FAM135B: variants seen among roughly 807,000 people sequenced by gnomAD.
The protein encoded by FAM135B is family with sequence similarity 135 member B.
In FAM135B, 43 loss-of-function variants were observed where a neutral mutation model predicts 127.7. The observed-to-expected ratio is 0.34, with a 90% CI of 0.26 to 0.43. The LOEUF is 0.43. Among genes scored for constraint, FAM135B ranks in the 20% least tolerant of loss-of-function variants. FAM135B has a pLI of 1.00. For missense variants in FAM135B, 1,558 were observed against 1,725.6 expected, an observed-to-expected ratio of 0.90 and a Z score of 1.72; for synonymous variants, 670 against 665.1, an observed-to-expected ratio of 1.01 and a Z score of -0.11.
At chr8:138,210,758 G>A (rs1007049390) in intron 7 of FAM135B, among the ~76,000 whole-genome samples, 2 of 152,078 alleles carry the variant, frequency 1.3e-5, no homozygotes, top group Non-Finnish European at 2.9e-5. Flanking sequence ...AGAGTCAAAC[G>A]ATATCAATAG....
At chr8:138,398,197 AGAG>A (rs944998373) in intron 1 of FAM135B, among the ~76,000 whole-genome samples, 2 of 152,202 alleles carry the variant, frequency 1.3e-5, no homozygotes, top group Non-Finnish European at 2.9e-5. Context: ...ATCAGAGCCC[AGAG>A]GAGTTATGGC....
chr8:138,164,079 T>C (rs963454501), intron 12 of FAM135B, among the ~76,000 whole-genome samples: 4 of 152,232 alleles, frequency 2.6e-5, no homozygotes, highest in African/African-American at 4.8e-5. Context: ...TTGTATCTGA[T>C]AACGTCATGG....
intron 2 of FAM135B, among the ~76,000 whole-genome samples, chr8:138,322,281 A>G (rs1370237050): frequency 2.0e-5 from 3 of 152,118 alleles, no homozygotes; most frequent in Non-Finnish European, 4.4e-5. Context: ...TCTGCCCCAC[A>G]CCTGACAAGT....
At chr8:138,138,923 G>T in intron 18 of FAM135B, 63 bp downstream of exon 18, 2 of 998,340 alleles carry the variant, frequency 2.0e-6, no homozygotes, top group Non-Finnish European at 3.2e-6. Context: ...TATCTCATTT[G>T]TGTCTCAGGA....
chr8:138,162,283 A>C (rs1169295375), intron 12 of FAM135B, among the ~76,000 whole-genome samples: 1 of 152,216 alleles, frequency 6.6e-6, no homozygotes, highest in Non-Finnish European at 1.5e-5. Context: ...GTTGCCAGGC[A>C]CGGGGGAGAA....
intron 1 of FAM135B, among the ~76,000 whole-genome samples, chr8:138,495,630 C>T (rs1209049336): frequency 6.6e-6 from 1 of 152,198 alleles, no homozygotes; most frequent in Non-Finnish European, 1.5e-5. Context: ...CATGCACGAA[C>T]TTTCAGACCC....
chr8:138,309,024 T>C, intron 3 of FAM135B: 1 of 454,850 alleles, frequency 2.2e-6, no homozygotes, highest in South Asian at 1.6e-5. Flanking sequence ...ATATGTATAT[T>C]TAGAACCTCT....
At chr8:138,473,542 A>T (rs772820507) in intron 1 of FAM135B, among the ~76,000 whole-genome samples, 1 of 152,166 alleles carries the variant, frequency 6.6e-6, no homozygotes. Flanking sequence ...CTTCTAAAAG[A>T]TGGTAGTTTT....
chr8:138,174,515 T>C (rs951191541), intron 11 of FAM135B, among the ~76,000 whole-genome samples: 12 of 152,316 alleles, frequency 7.9e-5, no homozygotes, highest in African/African-American at 2.2e-4. Context: ...CAGTCTGAAA[T>C]GAAATTCTCC....
chr8:138,404,191 A>AT (rs1225306298), intron 1 of FAM135B, among the ~76,000 whole-genome samples: 2 of 152,098 alleles, frequency 1.3e-5, no homozygotes, highest in Admixed American at 6.6e-5. Context: ...CTATTCATGG[A>AT]TTTTTTTGGT....
chr8:138,414,899 G>C (rs955117607), intron 1 of FAM135B, among the ~76,000 whole-genome samples: 1 of 152,076 alleles, frequency 6.6e-6, no homozygotes, highest in Admixed American at 6.6e-5. Flanking sequence ...TCCCTCATTC[G>C]AATTTGGGCA....
intron 1 of FAM135B, among the ~76,000 whole-genome samples, chr8:138,378,120 G>A (rs1325693343): frequency 6.6e-6 from 1 of 152,172 alleles, no homozygotes. Context: ...GCAGAATTGG[G>A]GCCAACTTCT....
Position 138,306,881 on chromosome 8 carries a change from G to C in FAM135B, c.157+3960C>G, listed in dbSNP as rs1358696203. Among the ~76,000 whole-genome samples, 3 of 152,136 alleles carry C rather than the reference G, an allele frequency of 2.0e-5. No individual in the cohort carries two copies. The East Asian group carries it at 5.8e-4, about 29-fold the overall frequency. ...TTACAGGTGTGAGCCACCTCACCTGGCCACAGGCTGTATCATTCTTTAAGG... is the reference window on the plus strand; with the variant it reads ...TTACAGGTGTGAGCCACCTCACCTGCCCACAGGCTGTATCATTCTTTAAGG... On this transcript the variant is annotated intron_variant, in intron 3 of 19. Coordinates refer to ENST00000395297, the MANE Select transcript of FAM135B (RefSeq NM_015912.4).
At chr8:138,187,872 A>C (rs914978748) in intron 9 of FAM135B, among the ~76,000 whole-genome samples, 14 of 152,166 alleles carry the variant, frequency 9.2e-5, no homozygotes, top group Non-Finnish European at 7.4e-5. Flanking sequence ...ATCTCTGGAG[A>C]AAGGAGAGGG....
intron 7 of FAM135B, among the ~76,000 whole-genome samples, chr8:138,211,733 A>C (rs1263223610): frequency 6.6e-6 from 1 of 152,202 alleles, no homozygotes; most frequent in African/African-American, 2.4e-5. Context: ...ATGGATGTAT[A>C]TGCAGCACTT....
intron 2 of FAM135B, among the ~76,000 whole-genome samples, chr8:138,324,039 C>A (rs977578274): frequency 6.6e-6 from 1 of 152,226 alleles, no homozygotes; most frequent in Non-Finnish European, 1.5e-5. Flanking sequence ...TCTCTGTGCA[C>A]ATATCTGTCC....
At chr8:138,430,590 G>A (rs1835142766) in intron 1 of FAM135B, among the ~76,000 whole-genome samples, 1 of 152,124 alleles carries the variant, frequency 6.6e-6, no homozygotes, top group Non-Finnish European at 1.5e-5. Flanking sequence ...TGGAAGTTGT[G>A]AATCTCCTAA....
In FAM135B at chr8:138,303,532, C is replaced by T. The variant is rs2130856850; in HGVS notation, c.157+7309G>A. 1.3e-5 allele frequency among the ~76,000 whole-genome samples: 2 copies of T among 152,248 alleles called. 1 individual carries two copies. The highest frequency in any genetic ancestry group is 4.1e-4 in the South Asian group (2 of 4,820). On this transcript the variant is annotated intron_variant, in intron 3 of 19. Coordinates refer to ENST00000395297, the MANE Select transcript of FAM135B (RefSeq NM_015912.4). ...TGGGTTGGTAGGTGCGGCAAACCACCATGGCCCATGCATGCCTATGTAACA... is the reference window on the plus strand; with the variant it reads ...TGGGTTGGTAGGTGCGGCAAACCACTATGGCCCATGCATGCCTATGTAACA...
intron 3 of FAM135B, among the ~76,000 whole-genome samples, chr8:138,282,029 C>T (rs1435757225): frequency 6.6e-6 from 1 of 152,122 alleles, no homozygotes; most frequent in African/African-American, 2.4e-5. Flanking sequence ...GAAAATCTGC[C>T]TATTTTGTGC....
Sources: allele counts gnomAD v4.1 joint callset (sites outside exome capture counted in the v4.1 genomes callset), GRCh38; gene constraint gnomAD v4.1.1; transcripts MANE v1.5; gene names NCBI Gene and HGNC (gene_info 2026-07-23, HGNC 2026-07-21).